Variants in OCA2 observed in about 807,000 individuals in gnomAD.
The protein encoded by OCA2 is OCA2 melanosomal transmembrane protein.
A neutral mutation model predicts 100.2 loss-of-function variants in OCA2; 77 were observed. That is an observed-to-expected ratio of 0.77 (90% CI 0.64 to 0.93). OCA2 has a LOEUF of 0.93. Ranked by LOEUF, OCA2 falls within the 40% of genes least tolerant of loss-of-function variation. The probability of loss-of-function intolerance (pLI) is 0.00; values close to 1 mark genes in which losing one functional copy is unlikely to be tolerated. For missense variants in OCA2, 1,062 were observed against 1,089.1 expected (o/e 0.98, Z 0.35); for synonymous variants, 432 against 439.2 (o/e 0.98, Z 0.21).
intron 19 of OCA2, among the ~76,000 whole-genome samples, chr15:27,912,364 C>T (rs1267702719): frequency 6.6e-6 from 1 of 152,032 alleles, no homozygotes; most frequent in East Asian, 1.9e-4. Context: ...AGGGCAAGAG[C>T]AGGCAAAATG....
intron 16 of OCA2, among the ~76,000 whole-genome samples, chr15:27,955,473 G>A (rs1025333921): frequency 5.3e-5 from 8 of 152,176 alleles, no homozygotes; most frequent in Non-Finnish European, 1.0e-4. Flanking sequence ...GACAGCTTGC[G>A]CAGGGGAAGC....
chr15:27,896,627 C>T (rs1019096608), intron 19 of OCA2: 17 of 146,088 alleles, frequency 1.2e-4, no homozygotes, highest in African/African-American at 5.6e-4. Context: ...AGATCATAAA[C>T]TTATTGACAG....
chr15:27,909,890 A>G (rs1290474261), intron 19 of OCA2, among the ~76,000 whole-genome samples: 1 of 152,212 alleles, frequency 6.6e-6, no homozygotes, highest in Non-Finnish European at 1.5e-5. Context: ...TCTTAAAATT[A>G]CATGACCAAA....
At chr15:28,032,227 T>C (rs531715072) in intron 2 of OCA2, 64 bp from the exon 3 acceptor site, 75 of 1,216,308 alleles carry the variant, frequency 6.2e-5, no homozygotes, top group African/African-American at 3.1e-4. Context: ...TTCCCAGCAC[T>C]CAGGTGCTAG....
At position 27,928,889 on chromosome 15, in the gene OCA2, C is replaced by G. The variant is rs543242306; in HGVS notation, c.1952-2635G>C. Among the ~76,000 whole-genome samples, 505 of 152,232 alleles carry G rather than the reference C, an allele frequency of 3.3e-3. 1 individual carries two copies. The highest frequency in any genetic ancestry group is 5.4e-3 in the Non-Finnish European group (364 of 68,014). ...AATCTCCCTTTATGGAGGTTTATAACCTAAATCCACCTGCAAAGTTCCTTG... is the reference window on the plus strand; with the variant it reads ...AATCTCCCTTTATGGAGGTTTATAAGCTAAATCCACCTGCAAAGTTCCTTG... On this transcript the variant is annotated intron_variant, in intron 18 of 23. Transcript: ENST00000354638.
chr15:28,059,664 T>G (rs1340769271), intron 2 of OCA2, among the ~76,000 whole-genome samples: 2 of 152,256 alleles, frequency 1.3e-5, no homozygotes, highest in African/African-American at 4.8e-5. Flanking sequence ...AAATGCCTTT[T>G]GCTCCCTAGT....
At chr15:27,751,029 A>G (rs1308733069), downstream of OCA2, among the ~76,000 whole-genome samples, 2 of 152,176 alleles carry the variant, frequency 1.3e-5, no homozygotes, top group African/African-American at 4.8e-5. Flanking sequence ...CCACGGATGC[A>G]TTTACTGCTC....
At chr15:27,720,290 G>T in the OCA2 span, among the ~76,000 whole-genome samples, 1 of 151,828 alleles carries the variant, frequency 6.6e-6, no homozygotes, top group Non-Finnish European at 1.5e-5. Context: ...AGGGGAGAGA[G>T]AAAGAACAGG....
intron 23 of OCA2, among the ~76,000 whole-genome samples, chr15:27,828,791 G>A (rs2034831820): frequency 6.6e-6 from 1 of 152,198 alleles, no homozygotes; most frequent in Non-Finnish European, 1.5e-5. Flanking sequence ...GATAGGGTCT[G>A]GGAGCTCCTG....
chr15:28,045,631 C>T (rs761882621), intron 2 of OCA2, among the ~76,000 whole-genome samples: 3 of 152,210 alleles, frequency 2.0e-5, no homozygotes, highest in African/African-American at 7.2e-5. Context: ...ACCAGTACCA[C>T]ATTTAACTCA....
At chr15:27,954,576 C>A (rs16950664) in intron 17 of OCA2, among the ~76,000 whole-genome samples, 1 of 152,132 alleles carries the variant, frequency 6.6e-6, no homozygotes, top group South Asian at 2.1e-4. Flanking sequence ...CTGCATGGAT[C>A]TGAAATGTCA....
Position 27,966,795 on chromosome 15 carries a change from G to A in OCA2, c.1531C>T (p.His511Tyr). The change falls in exon 15 of 24, where the codon CAC becomes TAC. Residue 511 changes from histidine (H) to tyrosine (Y), a missense_variant. His to Tyr is a moderately conservative substitution (Grantham distance 83, BLOSUM62 2). Transcript: ENST00000354638. ...ACAAGGCAAATCCCAATGAACATGT[G>A]TGCAGTGAATCCGGCAAAGTCCAGG... is the stretch of plus-strand genomic sequence containing the variant. ...MGLDFAGFTA[H>Y]MFIGICLVLL... 1 of 1,612,828 alleles carries A rather than the reference G, an allele frequency of 6.2e-7. No homozygotes were observed. Among genetic ancestry groups the A allele is most frequent in the Non-Finnish European group, 8.5e-7 (1 of 1,179,890 alleles).
chr15:27,884,950 GCACATGAGGACAACCGTGCCCTT>G (rs34899171), intron 19 of OCA2, among the ~76,000 whole-genome samples: 4,097 of 152,266 alleles, frequency 0.027, 201 homozygotes, highest in African/African-American at 0.094. Flanking sequence ...GTGGGGTAGA[GCACATGAGGACAACCGTGCCCTT>G]CACCAGCATT....
intron 16 of OCA2, among the ~76,000 whole-genome samples, chr15:27,956,147 C>T (rs1378026388): frequency 3.3e-5 from 5 of 151,952 alleles, no homozygotes; most frequent in Admixed American, 2.6e-4. Flanking sequence ...GTTGGGAGTT[C>T]GAGATCAGCC....
intron 2 of OCA2, among the ~76,000 whole-genome samples, chr15:28,072,846 C>T (rs561181629): frequency 8.5e-5 from 13 of 152,196 alleles, no homozygotes; most frequent in South Asian, 6.2e-4. Context: ...TATGCACTGC[C>T]GGTGGGAATG....
At chr15:27,758,567 T>C (rs1489177302) in intron 23 of OCA2, among the ~76,000 whole-genome samples, 1 of 152,008 alleles carries the variant, frequency 6.6e-6, no homozygotes, top group Admixed American at 6.5e-5. Context: ...GCAGCTACCA[T>C]AAAAATTCTT....
intron 6 of OCA2, among the ~76,000 whole-genome samples, chr15:28,020,130 T>G (rs2042547778): frequency 6.9e-6 from 1 of 144,228 alleles, no homozygotes. Context: ...CCCCCACCCA[T>G]CCCCACCCCC....
At chr15:27,858,219 C>T (rs570254826) in intron 21 of OCA2, among the ~76,000 whole-genome samples, 3 of 151,898 alleles carry the variant, frequency 2.0e-5, no homozygotes, top group African/African-American at 7.2e-5. Flanking sequence ...ACTAAAAATA[C>T]AAAAATTAGC....
At chr15:27,768,486 G>A (rs1021867457) in intron 23 of OCA2, among the ~76,000 whole-genome samples, 4 of 152,116 alleles carry the variant, frequency 2.6e-5, no homozygotes, top group African/African-American at 4.8e-5. Flanking sequence ...AAAGAACAAT[G>A]TATAGCGAAT....
Sources: gnomAD v4.1 joint callset for allele counts (sites outside exome capture counted in the v4.1 genomes callset) on GRCh38, gnomAD v4.1.1 for gene constraint, MANE v1.5 for transcripts, NCBI Gene and HGNC (gene_info 2026-07-23, HGNC 2026-07-21) for gene names.